HUS1: variants seen among roughly 807,000 people sequenced by gnomAD.
The protein encoded by HUS1 is HUS1 checkpoint clamp component, also known as checkpoint protein HUS1.
In HUS1, 31 loss-of-function variants were observed where a neutral mutation model predicts 32.6. The ratio of observed to expected loss-of-function variants is 0.95; its 90% CI spans 0.72 to 1.28. The LOEUF (loss-of-function observed/expected upper bound fraction) is 1.28. HUS1 is among the 50% of genes most tolerant of loss of function. The pLI, the probability that HUS1 is intolerant of heterozygous loss-of-function variation, is 0.00. For missense variants in HUS1, 340 were observed against 337.7 expected (o/e 1.01, Z -0.05); for synonymous variants, 123 against 116.6 (o/e 1.06, Z -0.36).
intron 1 of HUS1, 64 bp downstream of exon 1, chr7:47,979,404 C>G: frequency 6.4e-7 from 1 of 1,566,946 alleles, no homozygotes; most frequent in East Asian, 2.4e-5. Context: ...CCTGCGCGGT[C>G]CCCACCGCGC....
chr7:47,978,806 G>A lies in HUS1; in HGVS notation c.63C>T (p.Asn21=), dbSNP rs747164536. The change falls in exon 2 of 8, where the codon AAC becomes AAT. Residue 21 remains asparagine, a synonymous_variant. Coordinates refer to ENST00000258774, the MANE Select transcript of HUS1 (RefSeq NM_004507.4). ...AGGTTTTGGCAAGCTTGGCTATCAT[G>A]TTACTGATTCCTAAAGCAGGGGTTA... ...ACLNHFTRIS[N]MIAKLAKTCT... is the part of the protein sequence containing the mutation. 6.2e-7 allele frequency: 1 copy of A among 1,614,004 alleles called. No individual in the cohort carries two copies. Among genetic ancestry groups the A allele is most frequent in the South Asian group, 1.1e-5 (1 of 91,072 alleles).
intron 6 of HUS1, among the ~76,000 whole-genome samples, chr7:47,968,577 C>T (rs1272143095): frequency 1.3e-5 from 2 of 152,196 alleles, no homozygotes; most frequent in African/African-American, 4.8e-5. Context: ...ATGATTTTCT[C>T]ATCATCCCCA....
chr7:47,963,807 G>A lies in HUS1; in HGVS notation c.*1549C>T, dbSNP rs549064728. 1 of 152,212 alleles carries A rather than the reference G, an allele frequency of 6.6e-6. No individual in the cohort carries two copies. The highest frequency in any genetic ancestry group is 1.9e-4 in the East Asian group (1 of 5,166). The allele number at this position is 152,212 out of a possible 1,614,324, so 9.4% of individuals were successfully genotyped here. On this transcript the variant is annotated 3_prime_UTR_variant, in exon 8 of 8. Coordinates refer to ENST00000258774, the MANE Select transcript of HUS1 (RefSeq NM_004507.4). The stretch of plus-strand genomic sequence containing the variant: ...TGTAGTCCCAGCTACTCGGGAGGCT[G>A]AGGCAGGAGAATCGCTTGAACTTGG...
At chr7:47,978,663 C>A (rs755961088) in intron 2 of HUS1, 26 bp downstream of exon 2, 1 of 1,613,650 alleles carries the variant, frequency 6.2e-7, no homozygotes, top group Non-Finnish European at 8.5e-7. Context: ...GCAGAGTGTG[C>A]AGGCCTCTCA....
intron 5 of HUS1, among the ~76,000 whole-genome samples, chr7:47,970,451 A>ATT (rs1788576175): frequency 6.6e-6 from 1 of 152,084 alleles, no homozygotes; most frequent in Non-Finnish European, 1.5e-5. Context: ...CACAGAGAGA[A>ATT]TAGTAAGAGA....
chr7:47,969,250 A>T lies in HUS1; in HGVS notation c.609T>A (p.Thr203=). The T allele has an allele frequency of 1.3e-6, 2 of 1,583,212 alleles. No homozygotes were observed. The highest frequency in any genetic ancestry group is 1.7e-6 in the Non-Finnish European group (2 of 1,159,278). Residue 203 remains threonine (T), a synonymous_variant, in exon 6 of 8, where the codon ACT becomes ACA. Coordinates refer to ENST00000258774, the MANE Select transcript of HUS1 (RefSeq NM_004507.4). ...KIETELVCVT[T]HFKDLGNPPL... is the part of the protein sequence containing the mutation. ...GAGGATTTCCAAGATCTTTAAAATG[A>T]GTTGTAACACATACTAATTCAGTTT...
chr7:47,968,035 A>G (rs1788517980), intron 6 of HUS1, 110 bp from the exon 7 acceptor site: 21 of 1,114,486 alleles, frequency 1.9e-5, no homozygotes, highest in East Asian at 2.5e-5. Flanking sequence ...CACTGATTTT[A>G]GCATCCTGAA....
chr7:47,978,775 G>C lies in HUS1; in HGVS notation c.94C>G (p.Leu32Val), dbSNP rs763893952. The C allele has an allele frequency of 4.3e-6, 7 of 1,614,090 alleles. No homozygotes were observed. The African/African-American group carries it at 9.3e-5, about 22-fold the overall frequency. Residue 32 changes from leucine to valine, a missense_variant, in exon 2 of 8, where the codon CTC (leucine) becomes GTC (valine). Transcript: ENST00000258774. Reference protein sequence around the residue: ...MIAKLAKTCTLRISPDKLNFI... With the variant: ...MIAKLAKTCTVRISPDKLNFI... ...TTAAGCTTATCAGGGCTGATGCGGA[G>C]GGTGCAGGTTTTGGCAAGCTTGGCT...
intron 2 of HUS1, 24 bp downstream of exon 2, chr7:47,978,665 G>A: frequency 6.2e-7 from 1 of 1,613,924 alleles, no homozygotes; most frequent in Non-Finnish European, 8.5e-7. Flanking sequence ...AGAGTGTGCA[G>A]GCCTCTCAGA....
At chr7:47,969,021 C>A in intron 6 of HUS1, 198 bp downstream of exon 6, 1 of 520,540 alleles carries the variant, frequency 1.9e-6, no homozygotes. Context: ...CTTGGTGGCA[C>A]AGCTTCTCCC....
chr7:47,963,943 T>C lies in HUS1; in HGVS notation c.*1413A>G, dbSNP rs1788423346. On this transcript the variant is annotated 3_prime_UTR_variant, in exon 8 of 8. Transcript: ENST00000258774. ...CAAAAAACAAACAAAAAACCATTAC[T>C]AAACATCAAAAGAATCATTCAAATA... 1 of 151,868 alleles carries C rather than the reference T, an allele frequency of 6.6e-6. No individual in the cohort carries two copies. 9.4% of individuals were successfully genotyped at this position (151,868 alleles called of 1,614,324 possible). A position where few individuals can be genotyped will look rare whatever the true frequency, so the allele number is the denominator to read the frequency against.
chr7:47,973,037 T>A (rs1334753327), intron 5 of HUS1, among the ~76,000 whole-genome samples: 1 of 151,998 alleles, frequency 6.6e-6, no homozygotes, highest in African/African-American at 2.4e-5. Flanking sequence ...GGAGTTCTCA[T>A]GAGATCTGAT....
intron 5 of HUS1, among the ~76,000 whole-genome samples, chr7:47,973,363 C>T (rs1788637041): frequency 6.6e-6 from 1 of 152,182 alleles, no homozygotes; most frequent in African/African-American, 2.4e-5. Flanking sequence ...CAGCTCAGAC[C>T]TCCCAAATCA....
intron 4 of HUS1, chr7:47,976,450 C>A (rs1258890412): frequency 4.0e-6 from 2 of 498,866 alleles, no homozygotes; most frequent in Non-Finnish European, 7.8e-6. Context: ...TGTCTAAGGC[C>A]AAGAATACTA....
Position 47,979,604 on chromosome 7 carries a change from A to T in HUS1, c.-85T>A, listed in dbSNP as rs1788787155. On this transcript the variant is annotated 5_prime_UTR_variant, in exon 1 of 8. Transcript: ENST00000258774. ...GAGTGTCCCCGCCCGGAAACACGGC[A>T]GCGCGAACAGTGGTTCCGCCCGGCT... 11 of 1,086,716 alleles carry T rather than the reference A, an allele frequency of 1.0e-5. No homozygotes were observed. The highest frequency in any genetic ancestry group is 2.0e-4 in the Middle Eastern group (1 of 4,892). The allele number at this position is 1,086,716 out of a possible 1,614,324, so 67.3% of individuals were successfully genotyped here.
chr7:47,966,747 G>A (rs1788487312), intron 7 of HUS1, among the ~76,000 whole-genome samples: 1 of 152,158 alleles, frequency 6.6e-6, no homozygotes, highest in Non-Finnish European at 1.5e-5. Context: ...CTGCCACACA[G>A]CTCCCACTAT....
rs905170298 is a variant in HUS1, at chr7:47,975,554, G to A, written c.540+59C>T. ...ATGGACTGCTGCAGGGTGAGCTGGA[G>A]AACCCACGCCGTCCCACCAAATACT... On this transcript the variant is annotated intron_variant, in intron 5 of 7. Transcript: ENST00000258774. 11 of 1,110,486 alleles carry A rather than the reference G, an allele frequency of 9.9e-6. No homozygotes were observed. The Admixed American group carries it at 1.9e-4, about 19-fold the overall frequency. 68.8% of individuals were successfully genotyped at this position (1,110,486 alleles called of 1,614,324 possible). A position where few individuals can be genotyped will look rare whatever the true frequency, so the allele number is the denominator to read the frequency against.
chr7:47,965,432 A>G lies in HUS1; in HGVS notation c.767T>C (p.Val256Ala), dbSNP rs1439251228. ...VNPTKALCNI[V>A]NNKMVHFDLL... ...ATCAAAATGCACCATCTTGTTATTC[A>G]CAATATCTGGGAAGAGAAAAGCCAT... Residue 256 changes from valine to alanine, a missense_variant, in exon 8 of 8, where the codon GTG (valine) becomes GCG (alanine). Physicochemically the swap from Val to Ala is moderately conservative, Grantham distance 64. Coordinates refer to ENST00000258774, the MANE Select transcript of HUS1 (RefSeq NM_004507.4). The G allele has an allele frequency of 1.2e-6, 2 of 1,611,412 alleles. No homozygotes were observed. Among genetic ancestry groups the G allele is most frequent in the South Asian group, 2.2e-5 (2 of 91,040 alleles).
intron 5 of HUS1, among the ~76,000 whole-genome samples, chr7:47,975,157 C>T (rs573133936): frequency 3.8e-5 from 2 of 52,024 alleles, no homozygotes; most frequent in East Asian, 4.0e-3. Flanking sequence ...ACTAAAAATA[C>T]GAAACAAAAA....
Sources: gnomAD v4.1 joint callset for allele counts (sites outside exome capture counted in the v4.1 genomes callset) on GRCh38, gnomAD v4.1.1 for gene constraint, MANE v1.5 for transcripts, NCBI Gene and HGNC (gene_info 2026-07-23, HGNC 2026-07-21) for gene names.